KIF21B: variants seen among roughly 807,000 people sequenced by gnomAD.
KIF21B encodes the protein kinesin family member 21B, also known as kinesin-like protein KIF21B.
KIF21B carries 85 observed loss-of-function variants against 192.9 expected under a neutral mutation model. The observed-to-expected ratio is 0.44, with a 90% CI of 0.37 to 0.53. The LOEUF (loss-of-function observed/expected upper bound fraction) is 0.53. KIF21B is among the 20% of genes least tolerant of loss of function. KIF21B has a pLI of 0.00. For missense variants in KIF21B, 1,716 were observed against 2,194.8 expected (o/e 0.78, Z 4.36); for synonymous variants, 832 against 884.6 (o/e 0.94, Z 1.05).
In KIF21B at chr1:200,975,864, G is replaced by A. The variant is rs567889762; in HGVS notation, c.4444-195C>T. Among the ~76,000 whole-genome samples the A allele has an allele frequency of 3.9e-5, 6 of 152,188 alleles. No individual in the cohort carries two copies. The highest frequency in any genetic ancestry group is 1.4e-4 in the African/African-American group (6 of 41,526). ...GCTCCTTCTAAGGGACTGGGAACAC[G>A]GAAGGTTCAGATCTTGACCCTTCCT... is the stretch of plus-strand genomic sequence containing the variant. On this transcript the variant is annotated intron_variant, in intron 32 of 34. Transcript: ENST00000461742. This position sits in a 1 kb window ranked among gnomAD's most constrained non-coding sequence, Gnocchi z 4.3.
intron 26 of KIF21B, 88 bp from the exon 27 acceptor site, chr1:200,985,060 G>A (rs1242388621): frequency 6.0e-6 from 5 of 829,642 alleles, no homozygotes; most frequent in Non-Finnish European, 9.5e-6. Context: ...CTTCTGCCTT[G>A]TGAGGCCCGC....
intron 9 of KIF21B, chr1:201,001,793 G>A (rs1341520051): frequency 3.8e-6 from 1 of 263,158 alleles, no homozygotes; most frequent in African/African-American, 2.1e-5. Context: ...ATTTAAGAAT[G>A]TATATGAATA....
intron 26 of KIF21B, 90 bp downstream of exon 26, chr1:200,986,754 T>C (rs544498971): frequency 1.0e-5 from 12 of 1,158,688 alleles, no homozygotes; most frequent in East Asian, 7.1e-5. Context: ...GTGTACAAGA[T>C]GATCAACAGA....
At chr1:200,993,964 AC>A in intron 15 of KIF21B, among the ~76,000 whole-genome samples, 1 of 152,078 alleles carries the variant, frequency 6.6e-6, no homozygotes, top group East Asian at 1.9e-4. Context: ...GACTGGAAGA[AC>A]AAGTCAGACC....
Position 200,991,154 on chromosome 1 carries a change from G to A in KIF21B, c.2455-5C>T, listed in dbSNP as rs751420109. 5.0e-6 allele frequency: 8 copies of A among 1,610,614 alleles called. No individual in the cohort carries two copies. The South Asian group carries it at 8.8e-5, about 18-fold the overall frequency. ...CAGGCGCCTCAGTGCAGAAACCTGG[G>A]GCAGCAGGGAGAAAAGAGGGAGCCG... On this transcript the variant is annotated splice_polypyrimidine_tract_variant and splice_region_variant and intron_variant, in intron 17 of 34. Coordinates refer to ENST00000461742, the MANE Select transcript of KIF21B (RefSeq NM_001252102.2).
intron 28 of KIF21B, among the ~76,000 whole-genome samples, chr1:200,981,769 T>C (rs1466388891): frequency 6.6e-6 from 1 of 152,086 alleles, no homozygotes; most frequent in Non-Finnish European, 1.5e-5. Context: ...GGTTTGGGGC[T>C]CTCTGGAATG....
At position 201,005,559 on chromosome 1, in the gene KIF21B, G is replaced by A. The variant is rs141640757; in HGVS notation, c.583C>T (p.His195Tyr). Residue 195 changes from histidine to tyrosine, a missense_variant, in exon 4 of 35, where the codon CAC (histidine) becomes TAC (tyrosine). His to Tyr is a moderately conservative substitution (Grantham distance 83). Transcript: ENST00000461742. ...YTTGVTSRLI[H>Y]SQEELIQCLK... ...CAGAGGCTCACCTCCTCCTGGGAGTGGATGAGGCGAGAAGTGACGCCAGTG... is the reference window on the plus strand; with the variant it reads ...CAGAGGCTCACCTCCTCCTGGGAGTAGATGAGGCGAGAAGTGACGCCAGTG... The A allele has an allele frequency of 1.2e-6, 2 of 1,613,644 alleles. No individual in the cohort carries two copies. Among genetic ancestry groups the A allele is most frequent in the Non-Finnish European group, 1.7e-6 (2 of 1,179,638 alleles).
In KIF21B at chr1:201,000,330, G is replaced by A. The variant is rs1013692999; in HGVS notation, c.1685+60C>T. On this transcript the variant is annotated intron_variant, in intron 11 of 34. Transcript: ENST00000461742. The surrounding 1 kb of genome is among the most constrained non-coding windows in gnomAD (Gnocchi z 6.0). ...GTGGGCAGCAGTCCTCCTTGGGGAC[G>A]GGCAGGGTCCACTGGGGCGGTCTGA... 30 of 1,465,548 alleles carry A rather than the reference G, an allele frequency of 2.0e-5. No homozygotes were observed. The African/African-American group carries it at 2.3e-4, about 11-fold the overall frequency. 90.8% of individuals were successfully genotyped at this position (1,465,548 alleles called of 1,614,324 possible).
intron 26 of KIF21B, among the ~76,000 whole-genome samples, chr1:200,985,415 G>A (rs1656216228): frequency 6.6e-6 from 1 of 152,172 alleles, no homozygotes; most frequent in African/African-American, 2.4e-5. Context: ...TTGAGCCTGG[G>A]AGGTGGAGAT....
At chr1:200,978,214 T>G (rs986886064) in intron 30 of KIF21B, among the ~76,000 whole-genome samples, 1 of 152,006 alleles carries the variant, frequency 6.6e-6, no homozygotes, top group African/African-American at 2.4e-5. Context: ...CATGCCTGGC[T>G]AATTTTGTAT....
chr1:200,991,399 C>A (rs1055744518), intron 17 of KIF21B, among the ~76,000 whole-genome samples: 1 of 152,242 alleles, frequency 6.6e-6, no homozygotes, highest in East Asian at 1.9e-4. Flanking sequence ...GCAGCCTGAG[C>A]TCTTGTTGAG....
intron 30 of KIF21B, among the ~76,000 whole-genome samples, chr1:200,978,210 T>C (rs1655686306): frequency 6.6e-6 from 1 of 150,818 alleles, no homozygotes; most frequent in Non-Finnish European, 1.5e-5. Flanking sequence ...CCACCATGCC[T>C]GGCTAATTTT....
Position 200,977,195 on chromosome 1 carries a change from C to T in KIF21B, c.4325+17G>A, listed in dbSNP as rs561450779. The T allele has an allele frequency of 7.1e-5, 113 of 1,599,710 alleles. 3 individuals carry two copies. In the South Asian group the frequency reaches 1.2e-3, roughly 17 times the overall value. ...GGGAATGCCAAACCCTCCTCCCTCC[C>T]CAGGTATCACGCTGACCTGCTAAGC... On this transcript the variant is annotated intron_variant, in intron 31 of 34. Transcript: ENST00000461742.
intron 8 of KIF21B, 90 bp downstream of exon 8, chr1:201,003,496 A>C: frequency 7.5e-7 from 1 of 1,325,498 alleles, no homozygotes; most frequent in Non-Finnish European, 1.1e-6. Flanking sequence ...AGGGATGCTG[A>C]GGAAGTTAGG....
At chr1:201,007,861 C>A (rs1316608042) in intron 3 of KIF21B, among the ~76,000 whole-genome samples, 1 of 152,196 alleles carries the variant, frequency 6.6e-6, no homozygotes, top group Non-Finnish European at 1.5e-5. Context: ...ATGACACACA[C>A]ACACAGATAC....
At chr1:201,002,542 T>C (rs1018922784) in intron 8 of KIF21B, 192 bp from the exon 9 acceptor site, 1 of 532,404 alleles carries the variant, frequency 1.9e-6, no homozygotes, top group Non-Finnish European at 3.3e-6. Context: ...TACACAGTTC[T>C]CCTTGACAAT....
intron 14 of KIF21B, among the ~76,000 whole-genome samples, chr1:200,997,072 G>T (rs957370366): frequency 6.6e-6 from 1 of 152,060 alleles, no homozygotes; most frequent in African/African-American, 2.4e-5. Flanking sequence ...ACCTCTCCTG[G>T]GATCTTTAGA....
At chr1:201,004,664 G>T in intron 6 of KIF21B, 102 bp downstream of exon 6, 1 of 1,434,298 alleles carries the variant, frequency 7.0e-7, no homozygotes, top group South Asian at 1.2e-5. Flanking sequence ...TAATTGGCAA[G>T]ATGTCCAAGG....
chr1:200,994,969 T>C (rs1410531548), intron 15 of KIF21B, among the ~76,000 whole-genome samples: 1 of 152,034 alleles, frequency 6.6e-6, no homozygotes, highest in African/African-American at 2.4e-5. Flanking sequence ...ACAGGGCTCC[T>C]TGGGGCCAGC....
Sources: allele counts gnomAD v4.1 joint callset (sites outside exome capture counted in the v4.1 genomes callset), GRCh38; gene constraint gnomAD v4.1.1; non-coding constraint Gnocchi (gnomAD v3.1); transcripts MANE v1.5; gene names NCBI Gene and HGNC (gene_info 2026-07-23, HGNC 2026-07-21).